HS6ST3: variants seen among roughly 807,000 people sequenced by gnomAD.
HS6ST3 encodes the protein heparan-sulfate 6-O-sulfotransferase 3.
A neutral mutation model predicts 36.7 loss-of-function variants in HS6ST3; 12 were observed. That is an observed-to-expected ratio of 0.33 (90% CI 0.21 to 0.53). HS6ST3 has a LOEUF of 0.53. Among genes scored for constraint, HS6ST3 ranks in the 20% least tolerant of loss-of-function variants. HS6ST3 has a pLI of 0.95. For missense variants in HS6ST3, 584 were observed against 640.9 expected (o/e 0.91, Z 0.96); for synonymous variants, 240 against 257.5 (o/e 0.93, Z 0.65).
At position 96,200,757 on chromosome 13, in the gene HS6ST3, A is replaced by T. The variant is rs1239315273; in HGVS notation, c.707+109188A>T. ...AATGCCCAGCTATACTTTTGAGTGG[A>T]TGGCTACAGAATATACCTTACATCG... On this transcript the variant is annotated intron_variant, in intron 1 of 1. Coordinates refer to ENST00000376705, the MANE Select transcript of HS6ST3 (RefSeq NM_153456.4). Among the ~76,000 whole-genome samples the T allele has an allele frequency of 3.3e-5, 5 of 152,326 alleles. No individual in the cohort carries two copies. The South Asian group carries it at 1.0e-3, about 32-fold the overall frequency.
intron 1 of HS6ST3, among the ~76,000 whole-genome samples, chr13:96,598,100 T>A (rs2056408453): frequency 6.6e-6 from 1 of 152,190 alleles, no homozygotes; most frequent in Admixed American, 6.5e-5. Context: ...TGGAGTTAGA[T>A]AATGTGATGC....
intron 1 of HS6ST3, among the ~76,000 whole-genome samples, chr13:96,637,234 T>A (rs999206234): frequency 6.6e-6 from 1 of 152,112 alleles, no homozygotes; most frequent in African/African-American, 2.4e-5. Context: ...AATATTTACC[T>A]TACCAGATTG....
At chr13:96,829,274 G>T (rs1432460760) in intron 1 of HS6ST3, among the ~76,000 whole-genome samples, 18 of 151,962 alleles carry the variant, frequency 1.2e-4, no homozygotes. Flanking sequence ...TTGAGAAGAA[G>T]GGGGTAAGAG....
At chr13:96,191,846 A>G (rs1281072020) in intron 1 of HS6ST3, among the ~76,000 whole-genome samples, 2 of 152,242 alleles carry the variant, frequency 1.3e-5, no homozygotes, top group Non-Finnish European at 2.9e-5. Flanking sequence ...AATATGCTGT[A>G]TAAAAGCTAG....
chr13:96,194,227 T>C (rs570358452), intron 1 of HS6ST3, among the ~76,000 whole-genome samples: 65 of 152,278 alleles, frequency 4.3e-4, no homozygotes, highest in African/African-American at 1.4e-3. Context: ...AAAAATCTGC[T>C]TGTAGGAAAT....
At chr13:96,693,240 C>A (rs981281953) in intron 1 of HS6ST3, among the ~76,000 whole-genome samples, 2 of 152,028 alleles carry the variant, frequency 1.3e-5, no homozygotes, top group Admixed American at 6.6e-5. Flanking sequence ...TATGGAACAA[C>A]CTTCTCTAAT....
intron 1 of HS6ST3, among the ~76,000 whole-genome samples, chr13:96,257,235 GC>G (rs1414606691): frequency 6.6e-6 from 1 of 152,122 alleles, no homozygotes; most frequent in Non-Finnish European, 1.5e-5. Context: ...ATCCTACTAC[GC>G]TGGCCTCAGA....
chr13:96,545,729 T>G (rs1031657048), intron 1 of HS6ST3, among the ~76,000 whole-genome samples: 2 of 152,198 alleles, frequency 1.3e-5, no homozygotes, highest in Non-Finnish European at 2.9e-5. Flanking sequence ...ATCAGTTCAT[T>G]AGTTTTCATC....
intron 1 of HS6ST3, among the ~76,000 whole-genome samples, chr13:96,641,872 G>A (rs1427076828): frequency 6.6e-6 from 1 of 151,574 alleles, no homozygotes; most frequent in Non-Finnish European, 1.5e-5. Context: ...CAAACTTATA[G>A]GTATTTCATT....
At chr13:96,402,812 C>T (rs1314059653) in intron 1 of HS6ST3, among the ~76,000 whole-genome samples, 1 of 152,154 alleles carries the variant, frequency 6.6e-6, no homozygotes, top group Non-Finnish European at 1.5e-5. Flanking sequence ...TATCCATTCT[C>T]CTGTTGATGA....
intron 1 of HS6ST3, among the ~76,000 whole-genome samples, chr13:96,739,341 C>G (rs1358006611): frequency 4.0e-5 from 6 of 151,170 alleles, no homozygotes; most frequent in Admixed American, 2.0e-4. Context: ...CTTTGACTCT[C>G]GAGTGTTTAT....
chr13:96,137,684 G>A (rs182610048), intron 1 of HS6ST3, among the ~76,000 whole-genome samples: 2 of 152,174 alleles, frequency 1.3e-5, no homozygotes, highest in East Asian at 1.9e-4. Context: ...ACCCACGTTG[G>A]CCTCCCAAAG....
chr13:96,782,063 T>G (rs1444573074), intron 1 of HS6ST3, among the ~76,000 whole-genome samples: 1 of 152,238 alleles, frequency 6.6e-6, no homozygotes, highest in Non-Finnish European at 1.5e-5. Context: ...AGGCATATTT[T>G]GTGATATATT....
chr13:96,620,700 GCAAT>G (rs1293273316), intron 1 of HS6ST3, among the ~76,000 whole-genome samples: 1 of 152,108 alleles, frequency 6.6e-6, no homozygotes, highest in Non-Finnish European at 1.5e-5. Flanking sequence ...ACCATATTTA[GCAAT>G]CAGAGAAGAT....
Position 96,690,797 on chromosome 13 carries a change from A to G in HS6ST3, c.708-141693A>G, listed in dbSNP as rs2138444895. On this transcript the variant is annotated intron_variant, in intron 1 of 1. Transcript: ENST00000376705. ...GTCTTATCAATTGTGAAATGAACAC[A>G]TGTAGTAGATATAAGGAAATAATCT... Among the ~76,000 whole-genome samples, 2 of 147,156 alleles carry G rather than the reference A, an allele frequency of 1.4e-5. 1 individual carries two copies. Among genetic ancestry groups the G allele is most frequent in the South Asian group, 4.5e-4 (2 of 4,486 alleles).
intron 1 of HS6ST3, among the ~76,000 whole-genome samples, chr13:96,125,193 GT>G (rs1403740753): frequency 6.6e-6 from 1 of 152,158 alleles, no homozygotes; most frequent in Non-Finnish European, 1.5e-5. Flanking sequence ...AAGATAAAGA[GT>G]GAGATATAAA....
At chr13:96,272,016 G>A (rs906854426) in intron 1 of HS6ST3, among the ~76,000 whole-genome samples, 1 of 151,930 alleles carries the variant, frequency 6.6e-6, no homozygotes, top group Admixed American at 6.6e-5. Context: ...GAGATACTTA[G>A]TACATCTTGG....
At chr13:96,780,523 TG>T (rs1343325316) in intron 1 of HS6ST3, among the ~76,000 whole-genome samples, 1 of 152,148 alleles carries the variant, frequency 6.6e-6, no homozygotes, top group Non-Finnish European at 1.5e-5. Flanking sequence ...AACTTTGGAT[TG>T]GGGGCATTTT....
At chr13:96,435,936 G>T (rs2055639450) in intron 1 of HS6ST3, among the ~76,000 whole-genome samples, 1 of 152,094 alleles carries the variant, frequency 6.6e-6, no homozygotes, top group East Asian at 1.9e-4. Context: ...ATCATGAGTA[G>T]CTCCCAAGTG....
Sources: gnomAD v4.1 joint callset for allele counts (sites outside exome capture counted in the v4.1 genomes callset) on GRCh38, gnomAD v4.1.1 for gene constraint, MANE v1.5 for transcripts, NCBI Gene and HGNC (gene_info 2026-07-23, HGNC 2026-07-21) for gene names.